Variants in ADAMTS16 observed in about 807,000 individuals in gnomAD.
ADAMTS16 encodes the protein ADAM metallopeptidase with thrombospondin type 1 motif 16, also known as A disintegrin and metalloproteinase with thrombospondin motifs 16.
A neutral mutation model predicts 145.8 loss-of-function variants in ADAMTS16; 94 were observed. The ratio of observed to expected loss-of-function variants is 0.64; its 90% CI spans 0.55 to 0.77. The LOEUF is 0.77. ADAMTS16 is among the 30% of genes least tolerant of loss of function. The pLI, the probability that ADAMTS16 is intolerant of heterozygous loss-of-function variation, is 0.00. For missense variants in ADAMTS16, 1,585 were observed against 1,591.5 expected (o/e 1.00, Z 0.07); for synonymous variants, 659 against 604.3 (o/e 1.09, Z -1.33).
rs1215275428 is a variant in ADAMTS16 at position 5,317,758 on chromosome 5, CT to C, written c.3412-375del. 6.6e-6 allele frequency among the ~76,000 whole-genome samples: 1 copy of C among 152,200 alleles called. No individual in the cohort carries two copies. Among genetic ancestry groups the C allele is most frequent in the Admixed American group, 6.5e-5 (1 of 15,286 alleles). On this transcript the variant is annotated intron_variant, in intron 21 of 22. Transcript: ENST00000274181. This position sits in a 1 kb window ranked among gnomAD's most constrained non-coding sequence, Gnocchi z 4.5. The stretch of plus-strand genomic sequence containing the variant: ...CACAAAGCCCAAGCCCGGGAACCGT[CT>C]GTTGAGACTATAGAATCCAACTCTA...
At chr5:5,157,870 G>A (rs192275626) in intron 3 of ADAMTS16, among the ~76,000 whole-genome samples, 52 of 152,300 alleles carry the variant, frequency 3.4e-4, no homozygotes, top group Non-Finnish European at 6.5e-4. Flanking sequence ...ACTTCAAGTT[G>A]TGCCCTGTGG....
intron 10 of ADAMTS16, among the ~76,000 whole-genome samples, chr5:5,211,962 A>C (rs1361807836): frequency 6.6e-6 from 1 of 152,106 alleles, no homozygotes; most frequent in Non-Finnish European, 1.5e-5. Flanking sequence ...TTAGCCTATG[A>C]TCTGTCTTGG....
intron 21 of ADAMTS16, 70 bp downstream of exon 21, chr5:5,306,798 G>A (rs1471781621): frequency 1.2e-5 from 17 of 1,406,586 alleles, no homozygotes; most frequent in Middle Eastern, 5.0e-4. Context: ...GCTGGCTCCC[G>A]GGGATGCTTC....
chr5:5,173,832 A>G (rs942975126), intron 3 of ADAMTS16, among the ~76,000 whole-genome samples: 4 of 152,134 alleles, frequency 2.6e-5, no homozygotes, highest in Non-Finnish European at 4.4e-5. Flanking sequence ...AAAACTAATA[A>G]AAATTCTGTG....
At chr5:5,171,496 T>C (rs1209080946) in intron 3 of ADAMTS16, among the ~76,000 whole-genome samples, 1 of 152,238 alleles carries the variant, frequency 6.6e-6, no homozygotes, top group African/African-American at 2.4e-5. Flanking sequence ...TGTTGAATTT[T>C]GTCAAATGCT....
At chr5:5,141,642 A>G (rs1352577901) in intron 2 of ADAMTS16, among the ~76,000 whole-genome samples, 2 of 152,230 alleles carry the variant, frequency 1.3e-5, no homozygotes, top group Non-Finnish European at 2.9e-5. Flanking sequence ...ACTAGGTTTC[A>G]TTCTCTCAAT....
chr5:5,150,574 A>G (rs58597863), intron 3 of ADAMTS16, among the ~76,000 whole-genome samples: 13,608 of 152,228 alleles, frequency 0.089, 947 homozygotes, highest in African/African-American at 0.19. Context: ...CTGCAGTTCA[A>G]TCATCACAAC....
At chr5:5,190,435 C>T (rs1474861796) in intron 7 of ADAMTS16, among the ~76,000 whole-genome samples, 3 of 152,062 alleles carry the variant, frequency 2.0e-5, no homozygotes, top group South Asian at 2.1e-4. Flanking sequence ...GTGGATAGAT[C>T]GAAGGCTTTC....
intron 9 of ADAMTS16, among the ~76,000 whole-genome samples, chr5:5,203,361 C>T (rs1219044879): frequency 6.6e-6 from 1 of 152,208 alleles, no homozygotes; most frequent in Non-Finnish European, 1.5e-5. Flanking sequence ...TTTCTGATTT[C>T]CAAGTAATCA....
At chr5:5,249,584 G>T (rs1172525132) in intron 17 of ADAMTS16, among the ~76,000 whole-genome samples, 1 of 152,150 alleles carries the variant, frequency 6.6e-6, no homozygotes, top group African/African-American at 2.4e-5. Flanking sequence ...AGCAGGCTTT[G>T]CACGGGCCCT....
At chr5:5,166,672 G>A (rs1406933906) in intron 3 of ADAMTS16, among the ~76,000 whole-genome samples, 1 of 152,224 alleles carries the variant, frequency 6.6e-6, no homozygotes, top group Admixed American at 6.5e-5. Flanking sequence ...CTCTGAGGAA[G>A]AAGATGGCAA....
intron 21 of ADAMTS16, among the ~76,000 whole-genome samples, chr5:5,309,040 A>G (rs1025209969): frequency 1.3e-5 from 2 of 152,170 alleles, no homozygotes; most frequent in Non-Finnish European, 2.9e-5. Flanking sequence ...TGTGTTTTAC[A>G]TGTATATTCT....
At chr5:5,219,783 G>T (rs189822875) in intron 10 of ADAMTS16, among the ~76,000 whole-genome samples, 14 of 152,336 alleles carry the variant, frequency 9.2e-5, no homozygotes, top group African/African-American at 3.1e-4. Flanking sequence ...ACATGACTTG[G>T]CAGTGAGCTG....
At chr5:5,314,087 G>A (rs1348148469) in intron 21 of ADAMTS16, among the ~76,000 whole-genome samples, 1 of 152,210 alleles carries the variant, frequency 6.6e-6, no homozygotes, top group Non-Finnish European at 1.5e-5. Flanking sequence ...AGAGGTGTCT[G>A]TGAATGAGGC....
chr5:5,315,965 GACAA>G (rs1202640063), intron 21 of ADAMTS16, among the ~76,000 whole-genome samples: 1 of 152,082 alleles, frequency 6.6e-6, no homozygotes, highest in Admixed American at 6.6e-5. Flanking sequence ...GAAAAAAACA[GACAA>G]ACAGTTTCAG....
intron 21 of ADAMTS16, among the ~76,000 whole-genome samples, chr5:5,309,252 T>A (rs1012229952): frequency 2.6e-4 from 40 of 152,352 alleles, no homozygotes; most frequent in African/African-American, 9.4e-4. Context: ...TTGTTAATAA[T>A]GCCTAATACA....
Position 5,235,058 on chromosome 5 carries a change from T to C in ADAMTS16, c.1895T>C (p.Leu632Pro), listed in dbSNP as rs201133379. 82 of 1,601,422 alleles carry C rather than the reference T, an allele frequency of 5.1e-5. No homozygotes were observed. The highest frequency in any genetic ancestry group is 1.7e-4 in the Middle Eastern group (1 of 6,034). The change falls in exon 13 of 23, where the codon CTG (leucine) becomes CCG (proline). Residue 632 changes from leucine to proline, a missense_variant. Coordinates refer to ENST00000274181, the MANE Select transcript of ADAMTS16 (RefSeq NM_139056.4). ...TTCTGTGAGGGCTCCACTCGCACTC[T>C]GAAGCTCTGCAACAGTCAGAAATGT... is the stretch of plus-strand genomic sequence containing the variant. ...GKFCEGSTRT[L>P]KLCNSQKCPR...
Position 5,310,239 on chromosome 5 carries a change from T to A in ADAMTS16, c.3411+3511T>A, listed in dbSNP as rs1432512697. On this transcript the variant is annotated intron_variant, in intron 21 of 22. Transcript: ENST00000274181. This position sits in a 1 kb window ranked among gnomAD's most constrained non-coding sequence, Gnocchi z 4.3. ...GTCTCTCCTCTCATGTCCACCATCCTCCAGCTCGTAGGACCCCACCCACAC... is the reference window on the plus strand; with the variant it reads ...GTCTCTCCTCTCATGTCCACCATCCACCAGCTCGTAGGACCCCACCCACAC... 2.6e-5 allele frequency among the ~76,000 whole-genome samples: 4 copies of A among 152,090 alleles called. No individual in the cohort carries two copies. Among genetic ancestry groups the A allele is most frequent in the Non-Finnish European group, 4.4e-5 (3 of 68,018 alleles).
intron 21 of ADAMTS16, among the ~76,000 whole-genome samples, chr5:5,308,823 GC>G (rs968217266): frequency 4.5e-4 from 69 of 152,070 alleles, no homozygotes; most frequent in African/African-American, 1.6e-3. Context: ...GGTGGTGCAC[GC>G]CTGTAATCCC....
Sources: allele counts gnomAD v4.1 joint callset (sites outside exome capture counted in the v4.1 genomes callset), GRCh38; gene constraint gnomAD v4.1.1; non-coding constraint Gnocchi (gnomAD v3.1); transcripts MANE v1.5; gene names NCBI Gene and HGNC (gene_info 2026-07-23, HGNC 2026-07-21).